The following GNA12 variants were observed in gnomAD, a reference collection of about 807,000 sequenced individuals.
GNA12 encodes guanine nucleotide-binding protein subunit alpha-12.
Under a neutral mutation model 26.0 loss-of-function variants are expected in GNA12, and 9 were observed. The observed-to-expected ratio is 0.35, with a 90% CI of 0.21 to 0.60. The LOEUF (loss-of-function observed/expected upper bound fraction) is 0.60. Among genes scored for constraint, GNA12 ranks in the 20% least tolerant of loss-of-function variants. The pLI, the probability that GNA12 is intolerant of heterozygous loss-of-function variation, is 0.78. For missense variants in GNA12, 405 were observed against 525.8 expected (o/e 0.77, Z 2.25); for synonymous variants, 264 against 219.6 (o/e 1.20, Z -1.79).
intron 2 of GNA12, among the ~76,000 whole-genome samples, chr7:2,770,294 C>T (rs1791916062): frequency 6.6e-6 from 1 of 152,148 alleles, no homozygotes; most frequent in Admixed American, 6.5e-5. Flanking sequence ...TATTTATAAA[C>T]ATGTCCCGTT....
intron 2 of GNA12, among the ~76,000 whole-genome samples, chr7:2,768,391 T>C (rs1791859711): frequency 2.0e-5 from 3 of 152,140 alleles, no homozygotes; most frequent in African/African-American, 7.2e-5. Flanking sequence ...CTTTTTGAGG[T>C]CCTGGCTTAG....
chr7:2,831,130 T>C (rs576406150), intron 1 of GNA12, among the ~76,000 whole-genome samples: 1 of 151,988 alleles, frequency 6.6e-6, no homozygotes, highest in African/African-American at 2.4e-5. Context: ...GGCATCTGCT[T>C]TAACTAGTGC....
At chr7:2,762,646 C>A (rs767866821) in intron 2 of GNA12, 1 of 1,597,000 alleles carries the variant, frequency 6.3e-7, no homozygotes, top group Non-Finnish European at 8.5e-7. Flanking sequence ...AAGCACAGAG[C>A]GGCAGGACGA....
At chr7:2,778,333 G>A (rs181982059) in intron 2 of GNA12, among the ~76,000 whole-genome samples, 1 of 152,330 alleles carries the variant, frequency 6.6e-6, no homozygotes, top group East Asian at 1.9e-4. Flanking sequence ...TTTCACAAGA[G>A]CAGGCTGGCT....
At chr7:2,768,514 T>G (rs1050536074) in intron 2 of GNA12, among the ~76,000 whole-genome samples, 1 of 151,494 alleles carries the variant, frequency 6.6e-6, no homozygotes, top group Admixed American at 6.6e-5. Flanking sequence ...GACATGCCCT[T>G]AAAATCATGG....
intron 1 of GNA12, among the ~76,000 whole-genome samples, chr7:2,803,102 A>AC (rs57340278): frequency 6.7e-6 from 1 of 150,250 alleles, no homozygotes; most frequent in Non-Finnish European, 1.5e-5. Flanking sequence ...AATGGGGAAA[A>AC]CCCAAAAGGC....
intron 2 of GNA12, among the ~76,000 whole-genome samples, chr7:2,742,108 G>A (rs548136323): frequency 7.2e-5 from 11 of 151,836 alleles, no homozygotes; most frequent in South Asian, 6.3e-4. Context: ...TGCAGCCTCC[G>A]CCTCCCAGGT....
chr7:2,826,004 G>C (rs1793476756), intron 1 of GNA12, among the ~76,000 whole-genome samples: 1 of 152,138 alleles, frequency 6.6e-6, no homozygotes, highest in African/African-American at 2.4e-5. Context: ...ATGGTAGCCA[G>C]GAAGTGGAGC....
chr7:2,752,694 C>T (rs895542256), intron 2 of GNA12, among the ~76,000 whole-genome samples: 3 of 152,144 alleles, frequency 2.0e-5, no homozygotes, highest in South Asian at 2.1e-4. Flanking sequence ...AAAGCAATTC[C>T]GTTTTTAATA....
At chr7:2,789,072 C>A (rs1048785970) in intron 2 of GNA12, among the ~76,000 whole-genome samples, 2 of 151,166 alleles carry the variant, frequency 1.3e-5, no homozygotes, top group Non-Finnish European at 2.9e-5. Context: ...CCTGCCTTGG[C>A]CTCCCAAAGT....
chr7:2,733,622 A>T (rs1790012138), intron 2 of GNA12, 121 bp from the exon 3 acceptor site: 1 of 735,950 alleles, frequency 1.4e-6, no homozygotes, highest in African/African-American at 1.7e-5. Context: ...GGGAAAGCAA[A>T]GGAAAAAGGC....
At chr7:2,824,875 G>C (rs1336551320) in intron 1 of GNA12, among the ~76,000 whole-genome samples, 1 of 152,216 alleles carries the variant, frequency 6.6e-6, no homozygotes, top group Admixed American at 6.5e-5. Flanking sequence ...CTACTGAATA[G>C]AATCTGCATT....
chr7:2,771,658 C>A (rs912694101), intron 2 of GNA12, among the ~76,000 whole-genome samples: 6 of 152,146 alleles, frequency 3.9e-5, no homozygotes, highest in African/African-American at 1.4e-4. Context: ...TGAGCAGTAT[C>A]CCCACAGAAG....
rs1333077099 is a variant in GNA12 at position 2,844,229 on chromosome 7, G to A, written c.-68C>T. 2.5e-6 allele frequency: 2 copies of A among 807,798 alleles called. No homozygotes were observed. The highest frequency in any genetic ancestry group is 5.3e-5 in the South Asian group (1 of 18,706). 50.0% of individuals were successfully genotyped at this position (807,798 alleles called of 1,614,324 possible). ...CATGGACGCTCCCGCCGGCGAGGGC[G>A]AGCCCGGGCCGAGGCACCGCCCCAC... On this transcript the variant is annotated 5_prime_UTR_variant, in exon 1 of 4. Transcript: ENST00000275364.
chr7:2,787,292 T>C (rs1310306885), intron 2 of GNA12, among the ~76,000 whole-genome samples: 1 of 152,162 alleles, frequency 6.6e-6, no homozygotes, highest in Non-Finnish European at 1.5e-5. Context: ...CCCTCACTTT[T>C]ATTATCAACA....
chr7:2,746,689 A>G (rs1347669654), intron 2 of GNA12, among the ~76,000 whole-genome samples: 2 of 152,232 alleles, frequency 1.3e-5, no homozygotes, highest in Non-Finnish European at 2.9e-5. Flanking sequence ...TGAAGGAAAT[A>G]GAGACACAAA....
At chr7:2,771,354 G>A (rs1791944671) in intron 2 of GNA12, among the ~76,000 whole-genome samples, 1 of 152,104 alleles carries the variant, frequency 6.6e-6, no homozygotes, top group African/African-American at 2.4e-5. Context: ...CCAGTCTGAT[G>A]ACTTCTGACA....
intron 2 of GNA12, chr7:2,762,289 G>C (rs949647426): frequency 3.9e-6 from 1 of 255,382 alleles, no homozygotes; most frequent in East Asian, 6.8e-5. Flanking sequence ...GCACATGGCG[G>C]GGCCGGCGTG....
intron 2 of GNA12, among the ~76,000 whole-genome samples, chr7:2,742,479 C>G (rs73285338): frequency 6.6e-6 from 1 of 152,184 alleles, no homozygotes; most frequent in African/African-American, 2.4e-5. Flanking sequence ...AGCCCTGCTC[C>G]TGTTTATCTC....
Sources: gnomAD v4.1 joint callset for allele counts (sites outside exome capture counted in the v4.1 genomes callset) on GRCh38, gnomAD v4.1.1 for gene constraint, MANE v1.5 for transcripts, NCBI Gene and HGNC (gene_info 2026-07-23, HGNC 2026-07-21) for gene names.